THSD7B: variants seen among roughly 807,000 people sequenced by gnomAD.
THSD7B encodes the protein thrombospondin type-1 domain-containing protein 7B.
Under a neutral mutation model 213.6 loss-of-function variants are expected in THSD7B, and 138 were observed. The observed-to-expected ratio is 0.65, with a 90% CI of 0.56 to 0.74. The LOEUF (loss-of-function observed/expected upper bound fraction) is 0.74, where lower values mean the gene tolerates loss of function less well. Ranked by LOEUF, THSD7B falls within the 30% of genes least tolerant of loss-of-function variation. The pLI, the probability that THSD7B is intolerant of heterozygous loss-of-function variation, is 0.00. For synonymous variants in THSD7B, 742 were observed against 687.0 expected, an observed-to-expected ratio of 1.08 and a Z score of -1.25; for missense variants, 1,931 against 1,991.5, an observed-to-expected ratio of 0.97 and a Z score of 0.58.
intron 25 of THSD7B, among the ~76,000 whole-genome samples, chr2:137,661,998 T>C (rs1003004418): frequency 1.3e-5 from 2 of 152,050 alleles, no homozygotes; most frequent in South Asian, 4.1e-4. Flanking sequence ...TTGAGCCCAT[T>C]TGCCCAGCTC....
At chr2:137,335,736 C>A (rs919163530) in intron 12 of THSD7B, among the ~76,000 whole-genome samples, 2 of 152,002 alleles carry the variant, frequency 1.3e-5, no homozygotes, top group African/African-American at 2.4e-5. Flanking sequence ...ATGCTGGTTT[C>A]GAAGATTATT....
At chr2:137,614,313 G>A (rs1165092133) in intron 17 of THSD7B, among the ~76,000 whole-genome samples, 1 of 152,066 alleles carries the variant, frequency 6.6e-6, no homozygotes, top group East Asian at 1.9e-4. Flanking sequence ...AGGTTTAGAT[G>A]CGGAACTAAG....
intron 15 of THSD7B, chr2:137,538,505 C>A (rs1310000718): frequency 3.9e-6 from 2 of 517,446 alleles, no homozygotes; most frequent in Non-Finnish European, 7.7e-6. Flanking sequence ...GTTGGTGTTG[C>A]AATCTGTTTT....
intron 1 of THSD7B, among the ~76,000 whole-genome samples, chr2:136,879,057 A>G (rs1346354778): frequency 6.6e-6 from 1 of 152,146 alleles, no homozygotes; most frequent in Non-Finnish European, 1.5e-5. Context: ...TAGGTCTAAC[A>G]TTTAAATCTT....
At chr2:137,531,040 T>C (rs192816534) in intron 15 of THSD7B, among the ~76,000 whole-genome samples, 1 of 152,132 alleles carries the variant, frequency 6.6e-6, no homozygotes, top group East Asian at 1.9e-4. Context: ...ATCTTTCTGT[T>C]GTTAAATGGT....
At chr2:136,819,626 AC>A (rs1682538153) in intron 1 of THSD7B, among the ~76,000 whole-genome samples, 1 of 152,140 alleles carries the variant, frequency 6.6e-6, no homozygotes. Flanking sequence ...CATCTGAGCC[AC>A]CACCTGGAGG....
rs187151319 is a variant in THSD7B at position 137,215,817 on chromosome 2, A to G, written c.1724-15227A>G. 5.9e-5 allele frequency among the ~76,000 whole-genome samples: 9 copies of G among 152,314 alleles called. No homozygotes were observed. The East Asian group carries it at 1.7e-3, about 29-fold the overall frequency. On this transcript the variant is annotated intron_variant, in intron 7 of 27. Coordinates refer to ENST00000409968, the MANE Select transcript of THSD7B (RefSeq NM_001316349.2). ...ATTTTGAATATTTCTTCTCTAAGAT[A>G]CTGAAAGCAATTCATCAGAATAAGG...
At chr2:137,346,716 G>C (rs1332328037) in intron 12 of THSD7B, among the ~76,000 whole-genome samples, 1 of 151,632 alleles carries the variant, frequency 6.6e-6, no homozygotes, top group African/African-American at 2.4e-5. Context: ...GTGTGGGTTT[G>C]CTGTAAAATT....
intron 3 of THSD7B, among the ~76,000 whole-genome samples, chr2:137,070,044 A>T (rs541954560): frequency 6.6e-6 from 1 of 151,802 alleles, no homozygotes; most frequent in Non-Finnish European, 1.5e-5. Flanking sequence ...ATTGAACATT[A>T]ACATGTTTCT....
intron 9 of THSD7B, among the ~76,000 whole-genome samples, chr2:137,236,117 G>A (rs1043751857): frequency 6.6e-6 from 1 of 152,152 alleles, no homozygotes; most frequent in Non-Finnish European, 1.5e-5. Context: ...TCACATGAAA[G>A]TCATTGCAGT....
chr2:137,674,171 C>CCCCA (rs924884251), intron 27 of THSD7B, among the ~76,000 whole-genome samples: 4 of 152,180 alleles, frequency 2.6e-5, no homozygotes, highest in Admixed American at 2.0e-4. Context: ...ATTCTCAACT[C>CCCCA]CCCAATGCTT....
At chr2:136,893,788 AT>A (rs1219493832) in intron 2 of THSD7B, among the ~76,000 whole-genome samples, 1 of 152,200 alleles carries the variant, frequency 6.6e-6, no homozygotes, top group Non-Finnish European at 1.5e-5. Context: ...TATGCTGTAG[AT>A]ATTAGGGCCA....
chr2:136,879,803 AG>A (rs1683589008), intron 1 of THSD7B, among the ~76,000 whole-genome samples: 1 of 152,170 alleles, frequency 6.6e-6, no homozygotes, highest in Non-Finnish European at 1.5e-5. Flanking sequence ...AAAAAAAGTC[AG>A]GGGTTGCAAT....
chr2:136,935,203 T>A (rs1217959982), intron 2 of THSD7B, among the ~76,000 whole-genome samples: 1 of 152,204 alleles, frequency 6.6e-6, no homozygotes, highest in Non-Finnish European at 1.5e-5. Context: ...TATTTGTATT[T>A]ATGCAGAACA....
At chr2:137,077,479 C>T (rs1288758490) in intron 3 of THSD7B, among the ~76,000 whole-genome samples, 1 of 152,100 alleles carries the variant, frequency 6.6e-6, no homozygotes, top group Non-Finnish European at 1.5e-5. Context: ...ACATCCTCTC[C>T]AGCACCTGTT....
intron 12 of THSD7B, among the ~76,000 whole-genome samples, chr2:137,397,742 G>A (rs1372692182): frequency 6.6e-6 from 1 of 151,910 alleles, no homozygotes; most frequent in Non-Finnish European, 1.5e-5. Context: ...TTATCTCCTG[G>A]ATAATATCCT....
intron 4 of THSD7B, among the ~76,000 whole-genome samples, chr2:137,111,655 T>C (rs1019284520): frequency 2.0e-5 from 3 of 152,202 alleles, no homozygotes; most frequent in Admixed American, 2.0e-4. Context: ...AAAATACTGT[T>C]ATTTGTACTA....
chr2:137,549,788 C>G (rs1056365502), intron 15 of THSD7B, among the ~76,000 whole-genome samples: 3 of 152,046 alleles, frequency 2.0e-5, no homozygotes, highest in Non-Finnish European at 2.9e-5. Flanking sequence ...CAGTATTTGT[C>G]CTTTTGTGAT....
chr2:136,945,373 C>A (rs1226584412), intron 2 of THSD7B, among the ~76,000 whole-genome samples: 1 of 152,120 alleles, frequency 6.6e-6, no homozygotes, highest in African/African-American at 2.4e-5. Flanking sequence ...TTGTAGGTAA[C>A]CCCACCTTTC....
Sources: gnomAD v4.1 joint callset for allele counts (sites outside exome capture counted in the v4.1 genomes callset) on GRCh38, gnomAD v4.1.1 for gene constraint, MANE v1.5 for transcripts, NCBI Gene and HGNC (gene_info 2026-07-23, HGNC 2026-07-21) for gene names.